KAZN: variants seen among roughly 807,000 people sequenced by gnomAD.
The protein encoded by KAZN is kazrin.
In KAZN, 40 loss-of-function variants were observed where a neutral mutation model predicts 87.4. The ratio of observed to expected loss-of-function variants is 0.46; its 90% CI spans 0.36 to 0.60. The LOEUF is 0.60. Among genes scored for constraint, KAZN ranks in the 20% least tolerant of loss-of-function variants. The pLI, the probability that KAZN is intolerant of heterozygous loss-of-function variation, is 0.00. For synonymous variants in KAZN, 466 were observed against 458.3 expected (o/e 1.02, Z -0.22); for missense variants, 898 against 1,073.9 (o/e 0.84, Z 2.29).
At chr1:14,510,780 C>G (rs542805237) in intron 2 of KAZN, among the ~76,000 whole-genome samples, 1 of 152,224 alleles carries the variant, frequency 6.6e-6, no homozygotes, top group African/African-American at 2.4e-5. Flanking sequence ...TGGCTGTGAG[C>G]TCAGAGAGTA....
intron 2 of KAZN, among the ~76,000 whole-genome samples, chr1:15,008,975 T>C (rs907782745): frequency 1.3e-5 from 2 of 152,250 alleles, no homozygotes; most frequent in Non-Finnish European, 2.9e-5. Flanking sequence ...TTGGTTTCCT[T>C]AAGAGGTCAC....
intron 1 of KAZN, among the ~76,000 whole-genome samples, chr1:14,635,165 A>G (rs6690379): frequency 0.24 from 37,003 of 152,162 alleles, 4,746 homozygotes; most frequent in African/African-American, 0.29. Flanking sequence ...CTGTTAATTC[A>G]ATGAGGTGGT....
At chr1:15,055,504 C>T (rs182684228) in intron 4 of KAZN, among the ~76,000 whole-genome samples, 26 of 152,174 alleles carry the variant, frequency 1.7e-4, no homozygotes, top group African/African-American at 6.0e-4. Context: ...GTTCTTGGAA[C>T]CCCTCTATTT....
At chr1:14,251,989 A>G (rs1041933942) in intron 2 of KAZN, among the ~76,000 whole-genome samples, 5 of 151,886 alleles carry the variant, frequency 3.3e-5, no homozygotes, top group Non-Finnish European at 7.4e-5. Flanking sequence ...GTGAATTTCT[A>G]GATTCTCCAA....
chr1:15,057,973 C>T (rs1402399072), intron 5 of KAZN, among the ~76,000 whole-genome samples: 1 of 152,244 alleles, frequency 6.6e-6, no homozygotes, highest in African/African-American at 2.4e-5. Flanking sequence ...GGCCCTTCCT[C>T]CTCCACAGTA....
intron 1 of KAZN, among the ~76,000 whole-genome samples, chr1:14,796,980 G>A (rs1645847290): frequency 6.6e-6 from 1 of 152,218 alleles, no homozygotes; most frequent in Non-Finnish European, 1.5e-5. Flanking sequence ...GTTAAGCTAT[G>A]TTGATGTATC....
intron 1 of KAZN, among the ~76,000 whole-genome samples, chr1:14,140,422 A>G (rs904518593): frequency 6.6e-6 from 1 of 152,040 alleles, no homozygotes; most frequent in African/African-American, 2.4e-5. Context: ...GAAGATCTCG[A>G]TAATTATAAG....
rs370130150 is a variant in KAZN, at chr1:14,781,350, AT to A, written c.227-179333del. 1.3e-4 allele frequency among the ~76,000 whole-genome samples: 20 copies of A among 152,354 alleles called. No individual in the cohort carries two copies. In the East Asian group the frequency reaches 1.4e-3, roughly 10 times the overall value. On this transcript the variant is annotated intron_variant, in intron 1 of 14. Coordinates refer to ENST00000376030, the MANE Select transcript of KAZN (RefSeq NM_201628.3). ...AAAAAAAACAAAAAACAAAAAAGGC[AT>A]AAACCTCAGTTTCAAGTGCTAAGAA...
chr1:14,048,461 TG>T (rs1324886618), intron 1 of KAZN, among the ~76,000 whole-genome samples: 1 of 151,310 alleles, frequency 6.6e-6, no homozygotes, highest in Non-Finnish European at 1.5e-5. Context: ...TGGAGTGCAG[TG>T]GAGCGATCTT....
At chr1:14,424,639 C>T (rs573354124) in intron 2 of KAZN, among the ~76,000 whole-genome samples, 3 of 152,244 alleles carry the variant, frequency 2.0e-5, no homozygotes, top group East Asian at 1.9e-4. Flanking sequence ...GAAATGCCCA[C>T]GAAAGGGACC....
chr1:15,014,063 T>C (rs745646469), intron 2 of KAZN, among the ~76,000 whole-genome samples: 3 of 152,106 alleles, frequency 2.0e-5, no homozygotes, highest in Non-Finnish European at 2.9e-5. Flanking sequence ...GGTTTTGTCT[T>C]AGGCTGAGCA....
intron 2 of KAZN, among the ~76,000 whole-genome samples, chr1:14,443,363 A>G (rs79182486): frequency 0.071 from 10,855 of 152,240 alleles, 606 homozygotes; most frequent in South Asian, 0.11. Context: ...CCAGCAGTCT[A>G]CCTCTGTGGG....
intron 1 of KAZN, among the ~76,000 whole-genome samples, chr1:14,908,377 C>A (rs1028158971): frequency 1.5e-4 from 22 of 151,686 alleles, no homozygotes; most frequent in African/African-American, 5.3e-4. Context: ...CTCATCTCTA[C>A]TAAAAATACA....
At chr1:14,055,865 T>C (rs75352451) in intron 1 of KAZN, among the ~76,000 whole-genome samples, 8,075 of 152,224 alleles carry the variant, frequency 0.053, 578 homozygotes, top group African/African-American at 0.16. Flanking sequence ...CAAAAGAGAA[T>C]GTTAAATGTC....
chr1:14,284,955 G>T (rs1653123692), intron 2 of KAZN, among the ~76,000 whole-genome samples: 1 of 152,222 alleles, frequency 6.6e-6, no homozygotes, highest in Non-Finnish European at 1.5e-5. Flanking sequence ...CAAGTGCCAA[G>T]TTAGCATTTG....
chr1:14,339,342 C>T (rs998654525), intron 2 of KAZN, among the ~76,000 whole-genome samples: 1 of 152,132 alleles, frequency 6.6e-6, no homozygotes, highest in Non-Finnish European at 1.5e-5. Flanking sequence ...TGAATTAAAT[C>T]TCTCCTATGT....
intron 8 of KAZN, among the ~76,000 whole-genome samples, chr1:15,071,413 G>A (rs1020517944): frequency 6.6e-6 from 1 of 151,880 alleles, no homozygotes; most frequent in African/African-American, 2.4e-5. Flanking sequence ...CACCACACCC[G>A]GCTACTTTTT....
intron 8 of KAZN, among the ~76,000 whole-genome samples, chr1:15,073,036 A>G (rs1639583628): frequency 6.6e-6 from 1 of 152,162 alleles, no homozygotes; most frequent in Non-Finnish European, 1.5e-5. Context: ...CAGTCCCTCA[A>G]GGGGTTGCCA....
chr1:15,108,099 C>CAA (rs1410794131), intron 13 of KAZN, among the ~76,000 whole-genome samples: 5 of 152,220 alleles, frequency 3.3e-5, no homozygotes, highest in Admixed American at 3.3e-4. Flanking sequence ...AATTCCATTA[C>CAA]AAACTCAAAT....
Sources: gnomAD v4.1 joint callset for allele counts (sites outside exome capture counted in the v4.1 genomes callset) on GRCh38, gnomAD v4.1.1 for gene constraint, MANE v1.5 for transcripts, NCBI Gene and HGNC (gene_info 2026-07-23, HGNC 2026-07-21) for gene names.